Variants in PAX8 observed in about 807,000 individuals in gnomAD.
PAX8 encodes the protein paired box protein Pax-8.
A neutral mutation model predicts 52.4 loss-of-function variants in PAX8; 15 were observed. The ratio of observed to expected loss-of-function variants is 0.29; its 90% CI spans 0.19 to 0.44. PAX8 has a LOEUF of 0.44. PAX8 is among the 20% of genes least tolerant of loss of function. The probability of loss-of-function intolerance (pLI) is 1.00; values close to 1 mark genes in which losing one functional copy is unlikely to be tolerated. For missense variants in PAX8, 554 were observed against 602.5 expected (o/e 0.92, Z 0.84); for synonymous variants, 284 against 249.7 (o/e 1.14, Z -1.29).
intron 5 of PAX8, among the ~76,000 whole-genome samples, 175 bp from the exon 6 acceptor site, chr2:113,242,305 G>C (rs1163062130): frequency 6.6e-6 from 1 of 151,576 alleles, no homozygotes; most frequent in East Asian, 1.9e-4. Flanking sequence ...GACTGCGGTG[G>C]TGGGAAGAGG....
intron 9 of PAX8, among the ~76,000 whole-genome samples, chr2:113,229,866 G>A (rs1689788203): frequency 6.6e-6 from 1 of 152,138 alleles, no homozygotes; most frequent in African/African-American, 2.4e-5. Flanking sequence ...GTGAGGGAGG[G>A]AGTGATGGAA....
At chr2:113,263,766 G>GT in intron 2 of PAX8, among the ~76,000 whole-genome samples, 1 of 152,280 alleles carries the variant, frequency 6.6e-6, no homozygotes, top group South Asian at 2.1e-4. Context: ...GGGAAAGACT[G>GT]TGGGTGGGCT....
At chr2:113,274,118 T>A (rs895380107) in intron 2 of PAX8, 1 of 152,168 alleles carries the variant, frequency 6.6e-6, no homozygotes, top group African/African-American at 2.4e-5. Flanking sequence ...GAAAAGATTG[T>A]GCATACAAAA....
chr2:113,247,178 A>G (rs1691395269), intron 2 of PAX8, among the ~76,000 whole-genome samples: 1 of 152,242 alleles, frequency 6.6e-6, no homozygotes, highest in Admixed American at 6.5e-5. Flanking sequence ...CTCTTCAGGC[A>G]GACTCAGCCC....
At chr2:113,253,701 G>C (rs138893999) in intron 2 of PAX8, among the ~76,000 whole-genome samples, 61 of 152,234 alleles carry the variant, frequency 4.0e-4, no homozygotes, top group African/African-American at 1.3e-3. Flanking sequence ...TTATCCTGCA[G>C]AGTAGGTTCA....
At chr2:113,265,191 C>G (rs907888281) in intron 2 of PAX8, among the ~76,000 whole-genome samples, 5 of 152,176 alleles carry the variant, frequency 3.3e-5, no homozygotes, top group African/African-American at 1.2e-4. Context: ...TTAATAAAAT[C>G]ACCGCAAAAC....
At chr2:113,229,611 A>G (rs1689772141) in intron 9 of PAX8, among the ~76,000 whole-genome samples, 1 of 152,274 alleles carries the variant, frequency 6.6e-6, no homozygotes, top group South Asian at 2.1e-4. Flanking sequence ...AAGGTCATCA[A>G]GGGAACAAAT....
chr2:113,272,696 A>G (rs980905766), intron 2 of PAX8: 8 of 152,146 alleles, frequency 5.3e-5, no homozygotes, highest in African/African-American at 1.9e-4. Flanking sequence ...GAAAGTAGTC[A>G]TTGCCTGCAT....
chr2:113,239,576 T>A (rs1383668462), intron 7 of PAX8: 1 of 152,254 alleles, frequency 6.6e-6, no homozygotes, highest in Non-Finnish European at 1.5e-5. Flanking sequence ...GCCCTTGCAC[T>A]GGCTGGTTCT....
chr2:113,242,255 G>A lies in PAX8; in HGVS notation c.479-125C>T, dbSNP rs1690918205. The A allele has an allele frequency of 4.0e-6, 3 of 750,438 alleles. No individual in the cohort carries two copies. In the South Asian group the frequency reaches 5.0e-5, roughly 12 times the overall value. The allele number at this position is 750,438 out of a possible 1,614,324, so 46.5% of individuals were successfully genotyped here. A position where few individuals can be genotyped will look rare whatever the true frequency, so the allele number is the denominator to read the frequency against. On this transcript the variant is annotated intron_variant, in intron 5 of 11. Coordinates refer to ENST00000429538, the MANE Select transcript of PAX8 (RefSeq NM_003466.4). ...GCTGGGGGAGAGGGAGAGGAGCAAG[G>A]GGTGGGACACCCCTTACAGCCCTGG...
At chr2:113,231,556 T>G (rs1482685144) in intron 9 of PAX8, among the ~76,000 whole-genome samples, 2 of 152,178 alleles carry the variant, frequency 1.3e-5, no homozygotes, top group Non-Finnish European at 1.5e-5. Flanking sequence ...GTGAAGGAGT[T>G]GCAGGAGGCG....
At chr2:113,249,312 T>C (rs2104516434) in intron 2 of PAX8, among the ~76,000 whole-genome samples, 1 of 152,348 alleles carries the variant, frequency 6.6e-6, no homozygotes, top group East Asian at 1.9e-4. Flanking sequence ...CACTGCATCA[T>C]TGTTGCCTTC....
At chr2:113,241,297 G>C in intron 7 of PAX8, 1 of 595,268 alleles carries the variant, frequency 1.7e-6, no homozygotes, top group South Asian at 1.9e-5. Context: ...GCATCATCAG[G>C]TTGTGCTGCC....
chr2:113,219,526 C>T (rs754054067), intron 11 of PAX8, among the ~76,000 whole-genome samples: 6 of 152,170 alleles, frequency 3.9e-5, no homozygotes, highest in Non-Finnish European at 7.3e-5. Context: ...CTCTGGACCT[C>T]GACCCTGAAT....
intron 10 of PAX8, among the ~76,000 whole-genome samples, chr2:113,221,317 G>A (rs540361422): frequency 3.7e-4 from 57 of 152,282 alleles, no homozygotes; most frequent in Non-Finnish European, 4.9e-4. Flanking sequence ...CAGCCTTTCA[G>A]AAACTCACCT....
intron 1 of PAX8, 129 bp from the exon 2 acceptor site, chr2:113,278,598 T>A (rs540231891): frequency 1.2e-6 from 1 of 867,766 alleles, no homozygotes; most frequent in African/African-American, 1.7e-5. Flanking sequence ...TTAGGCGAAG[T>A]AGGGCCAACC....
At chr2:113,226,509 C>T in intron 10 of PAX8, 1 of 988,566 alleles carries the variant, frequency 1.0e-6, no homozygotes, top group African/African-American at 1.7e-5. Flanking sequence ...ACCCAAATGA[C>T]TGGCAGGCAG....
chr2:113,273,778 C>G (rs545060446), intron 2 of PAX8: 1 of 150,120 alleles, frequency 6.7e-6, no homozygotes, highest in South Asian at 2.1e-4. Flanking sequence ...TTTTTTTTTG[C>G]ATTATTTATA....
intron 2 of PAX8, chr2:113,276,097 C>CAG (rs1168894216): frequency 6.6e-6 from 1 of 152,038 alleles, no homozygotes; most frequent in African/African-American, 2.4e-5. Flanking sequence ...GTCTCAGGAA[C>CAG]AGAGGTGCCT....
Sources: gnomAD v4.1 joint callset for allele counts (sites outside exome capture counted in the v4.1 genomes callset) on GRCh38, gnomAD v4.1.1 for gene constraint, MANE v1.5 for transcripts, NCBI Gene and HGNC (gene_info 2026-07-23, HGNC 2026-07-21) for gene names.